Variants in TMEM132D observed in about 807,000 individuals in gnomAD.
TMEM132D encodes mature OL transmembrane protein.
In TMEM132D, 21 loss-of-function variants were observed where a neutral mutation model predicts 62.3. The observed-to-expected ratio is 0.34, with a 90% CI of 0.24 to 0.49. The LOEUF (loss-of-function observed/expected upper bound fraction) is 0.49, where lower values mean the gene tolerates loss of function less well. Ranked by LOEUF, TMEM132D falls within the 20% of genes least tolerant of loss-of-function variation. The pLI, the probability that TMEM132D is intolerant of heterozygous loss-of-function variation, is 0.99. For missense variants in TMEM132D, 1,346 were observed against 1,402.8 expected (o/e 0.96, Z 0.65); for synonymous variants, 621 against 575.6 (o/e 1.08, Z -1.13).
intron 4 of TMEM132D, among the ~76,000 whole-genome samples, chr12:129,297,577 C>T (rs1324560057): frequency 2.0e-5 from 3 of 152,176 alleles, no homozygotes; most frequent in Non-Finnish European, 4.4e-5. Flanking sequence ...CTGTGGCTTT[C>T]CTTTCCAGTT....
chr12:129,518,542 TGC>T (rs1238899512), intron 3 of TMEM132D, among the ~76,000 whole-genome samples: 251 of 83,482 alleles, frequency 3.0e-3, no homozygotes, highest in African/African-American at 7.4e-3. Flanking sequence ...TATACACATG[TGC>T]GTGTGTGTGT....
intron 5 of TMEM132D, among the ~76,000 whole-genome samples, chr12:129,180,771 T>C (rs552065416): frequency 8.7e-6 from 1 of 114,904 alleles, no homozygotes; most frequent in South Asian, 2.9e-4. Context: ...CTCACTTCCC[T>C]TGTCTTCTCT....
At chr12:129,290,240 T>C (rs1407815291) in intron 4 of TMEM132D, among the ~76,000 whole-genome samples, 1 of 152,242 alleles carries the variant, frequency 6.6e-6, no homozygotes, top group East Asian at 1.9e-4. Context: ...CTGGAAGCCA[T>C]GCACTGAGGT....
At chr12:129,742,225 T>G (rs999583899) in intron 1 of TMEM132D, among the ~76,000 whole-genome samples, 2 of 152,192 alleles carry the variant, frequency 1.3e-5, no homozygotes, top group Non-Finnish European at 2.9e-5. Flanking sequence ...GACTGAGTAA[T>G]TTATAAAGAA....
intron 3 of TMEM132D, among the ~76,000 whole-genome samples, chr12:129,487,824 A>C (rs1874631292): frequency 6.6e-6 from 1 of 150,446 alleles, no homozygotes; most frequent in Admixed American, 6.7e-5. Context: ...GTAGTCCCAG[A>C]TACTCGGGAG....
At chr12:129,146,287 T>C (rs1421429191) in intron 5 of TMEM132D, among the ~76,000 whole-genome samples, 1 of 152,186 alleles carries the variant, frequency 6.6e-6, no homozygotes, top group Non-Finnish European at 1.5e-5. Context: ...TTGATCCCAC[T>C]GATTCTACCT....
intron 4 of TMEM132D, among the ~76,000 whole-genome samples, chr12:129,261,826 C>T (rs1214539826): frequency 6.6e-6 from 1 of 152,138 alleles, no homozygotes; most frequent in Non-Finnish European, 1.5e-5. Flanking sequence ...GTTTAATTAC[C>T]TCATTAAAGT....
intron 5 of TMEM132D, among the ~76,000 whole-genome samples, chr12:129,182,063 G>A (rs1296031741): frequency 2.6e-5 from 4 of 152,088 alleles, no homozygotes; most frequent in Admixed American, 6.6e-5. Context: ...CAACCATTAT[G>A]GATAGAAAGA....
chr12:129,765,677 G>A lies in TMEM132D; in HGVS notation c.80-64979C>T, dbSNP rs114675450. ...CATCTCCTTTTGTGGATACCCTTGT[G>A]TGCTTCCTTTTTACATGTGTTTCAA... On this transcript the variant is annotated intron_variant, in intron 1 of 8. Coordinates refer to ENST00000422113, the MANE Select transcript of TMEM132D (RefSeq NM_133448.3). Among the ~76,000 whole-genome samples the A allele has an allele frequency of 6.8e-3, 1,038 of 151,896 alleles. 13 individuals are homozygous for A. The highest frequency in any genetic ancestry group is 0.024 in the African/African-American group (988 of 41,404).
At chr12:129,879,285 G>A (rs1416952507) in intron 1 of TMEM132D, among the ~76,000 whole-genome samples, 1 of 152,184 alleles carries the variant, frequency 6.6e-6, no homozygotes, top group Non-Finnish European at 1.5e-5. Flanking sequence ...ACAGACTGGG[G>A]TCCCACCTCA....
chr12:129,534,866 A>G (rs1473590320), intron 2 of TMEM132D, among the ~76,000 whole-genome samples: 1 of 152,220 alleles, frequency 6.6e-6, no homozygotes, highest in Non-Finnish European at 1.5e-5. Flanking sequence ...GAATTAACAC[A>G]GCTAACATTT....
chr12:129,511,639 T>C (rs1875500351), intron 3 of TMEM132D, among the ~76,000 whole-genome samples: 1 of 152,238 alleles, frequency 6.6e-6, no homozygotes, highest in Non-Finnish European at 1.5e-5. Context: ...TATCTACTTT[T>C]GTGAAATCTC....
intron 3 of TMEM132D, among the ~76,000 whole-genome samples, chr12:129,503,547 C>T (rs1875226032): frequency 6.6e-6 from 1 of 152,180 alleles, no homozygotes; most frequent in South Asian, 2.1e-4. Context: ...CAATTTAAAA[C>T]ATTTTATTCA....
At chr12:129,850,605 GGA>G (rs1873508187) in intron 1 of TMEM132D, among the ~76,000 whole-genome samples, 1 of 152,120 alleles carries the variant, frequency 6.6e-6, no homozygotes. Context: ...GTCTAGGTAT[GGA>G]CAGGGTATTT....
intron 2 of TMEM132D, among the ~76,000 whole-genome samples, chr12:129,687,520 T>C (rs1880961776): frequency 6.6e-6 from 1 of 152,012 alleles, no homozygotes; most frequent in Non-Finnish European, 1.5e-5. Flanking sequence ...CCAACTGGGT[T>C]ACTGGAAGAG....
intron 2 of TMEM132D, among the ~76,000 whole-genome samples, chr12:129,546,445 C>A (rs926615597): frequency 2.6e-5 from 4 of 152,012 alleles, no homozygotes; most frequent in African/African-American, 9.7e-5. Flanking sequence ...ACATTAGAAA[C>A]CTAAGCTACA....
intron 5 of TMEM132D, among the ~76,000 whole-genome samples, chr12:129,156,755 A>G (rs1877259380): frequency 6.6e-6 from 1 of 152,194 alleles, no homozygotes; most frequent in Non-Finnish European, 1.5e-5. Context: ...CTTCCATGAT[A>G]ACTAACCCAC....
chr12:129,621,935 G>A (rs1473618086), intron 2 of TMEM132D, among the ~76,000 whole-genome samples: 3 of 151,906 alleles, frequency 2.0e-5, no homozygotes, highest in East Asian at 1.9e-4. Context: ...TTCCTGTTAC[G>A]TCTATGCTAT....
chr12:129,174,352 C>T (rs1358402426), intron 5 of TMEM132D, among the ~76,000 whole-genome samples: 4 of 152,102 alleles, frequency 2.6e-5, no homozygotes, highest in Non-Finnish European at 5.9e-5. Flanking sequence ...TCCTGTGTTA[C>T]TTTGCTGAGG....
Sources: allele counts gnomAD v4.1 joint callset (sites outside exome capture counted in the v4.1 genomes callset), GRCh38; gene constraint gnomAD v4.1.1; transcripts MANE v1.5; gene names NCBI Gene and HGNC (gene_info 2026-07-23, HGNC 2026-07-21).